The following EXPH5 variants were observed in gnomAD, a reference collection of about 807,000 sequenced individuals.
The protein encoded by EXPH5 is exophilin-5.
A neutral mutation model predicts 41.1 loss-of-function variants in EXPH5; 42 were observed. That is an observed-to-expected ratio of 1.02 (90% CI 0.80 to 1.32). The LOEUF is 1.32. EXPH5 is among the 40% of genes most tolerant of loss of function. EXPH5 has a pLI of 0.00. For missense variants in EXPH5, 2,298 were observed against 2,314.5 expected, an observed-to-expected ratio of 0.99 and a Z score of 0.15; for synonymous variants, 798 against 833.5, an observed-to-expected ratio of 0.96 and a Z score of 0.73.
chr11:108,569,648 T>C (rs949062220), intron 1 of EXPH5, among the ~76,000 whole-genome samples: 5 of 152,250 alleles, frequency 3.3e-5, no homozygotes, highest in African/African-American at 1.2e-4. Flanking sequence ...CTGAATGTAC[T>C]GTTTTTAAAC....
rs376323577 is a variant in EXPH5 at position 108,511,736 on chromosome 11, C to T, written c.3771G>A (p.Pro1257=). ...LEVVSIYYTL[P]RKPSKKFCNL... Reference sequence around the variant, plus strand: ...TACAGAATTTTTTGCTGGGTTTCCTCGGTAGAGTGTAATATATTGAGACCA... The same window carrying T: ...TACAGAATTTTTTGCTGGGTTTCCTTGGTAGAGTGTAATATATTGAGACCA... The change falls in exon 6 of 6, where the codon CCG becomes CCA. Residue 1257 remains proline (P), a synonymous_variant. Transcript: ENST00000265843. 63 of 1,610,118 alleles carry T rather than the reference C, an allele frequency of 3.9e-5. No homozygotes were observed. The highest frequency in any genetic ancestry group is 2.9e-4 in the South Asian group (26 of 89,994).
intron 1 of EXPH5, among the ~76,000 whole-genome samples, chr11:108,547,018 G>T (rs2093941522): frequency 6.6e-6 from 1 of 151,948 alleles, no homozygotes; most frequent in Admixed American, 6.6e-5. Flanking sequence ...GGCCAGGCTA[G>T]TCTTGAACTC....
At position 108,541,694 on chromosome 11, in the gene EXPH5, G is replaced by A; in HGVS notation, c.238C>T (p.Gln80Ter). Residue 80 changes from glutamine (Q) to a stop codon, truncating the protein, a stop_gained, in exon 2 of 6, where the codon CAA becomes TAA. Transcript: ENST00000265843. LOFTEE classifies it high-confidence loss of function. ...TTACTTAGCCTGTATGTAAGTGGTTGTTTTAACATTTGGCTAACATCTGTT... is the reference window on the plus strand; with the variant it reads ...TTACTTAGCCTGTATGTAAGTGGTTATTTTAACATTTGGCTAACATCTGTT... The part of the protein sequence containing the change: ...NETDVSQMLK[Q>*]PLTYRLSKEM... The A allele has an allele frequency of 1.9e-6, 3 of 1,611,376 alleles. 1 individual carries two copies. The highest frequency in any genetic ancestry group is 2.2e-5 in the South Asian group (2 of 90,172).
At chr11:108,544,802 A>G (rs1017877648) in intron 1 of EXPH5, among the ~76,000 whole-genome samples, 1 of 152,250 alleles carries the variant, frequency 6.6e-6, no homozygotes. Flanking sequence ...GATTATAGCT[A>G]TGTAAAAATG....
chr11:108,603,063 C>G, the EXPH5 span, among the ~76,000 whole-genome samples: 2 of 152,160 alleles, frequency 1.3e-5, no homozygotes, highest in African/African-American at 2.4e-5. Flanking sequence ...TTGCACTTCT[C>G]TCTCCTGCCA....
chr11:108,572,811 G>A (rs529154776), intron 1 of EXPH5, among the ~76,000 whole-genome samples: 5 of 152,166 alleles, frequency 3.3e-5, no homozygotes, highest in South Asian at 2.1e-4. Context: ...CACTCGTCTC[G>A]GCCTCCTAAA....
At position 108,539,005 on chromosome 11, in the gene EXPH5, T is replaced by G; in HGVS notation, c.443+19A>C. Reference sequence around the variant, plus strand: ...ATCGGATAACAAATGGGCCGTAACATGACCTGAGTTTAACTCACCCTTTCT... The same window carrying G: ...ATCGGATAACAAATGGGCCGTAACAGGACCTGAGTTTAACTCACCCTTTCT... On this transcript the variant is annotated intron_variant, in intron 3 of 5. Coordinates refer to ENST00000265843, the MANE Select transcript of EXPH5 (RefSeq NM_015065.3). 1.3e-6 allele frequency: 2 copies of G among 1,553,250 alleles called. No individual in the cohort carries two copies. Among genetic ancestry groups the G allele is most frequent in the Non-Finnish European group, 8.7e-7 (1 of 1,146,134 alleles).
In EXPH5 at chr11:108,509,872, A is replaced by G. The variant is rs1379273790; in HGVS notation, c.5635T>C (p.Ser1879Pro). The G allele has an allele frequency of 2.5e-6, 4 of 1,610,536 alleles. No homozygotes were observed. Among genetic ancestry groups the G allele is most frequent in the Non-Finnish European group, 3.4e-6 (4 of 1,179,012 alleles). The change falls in exon 6 of 6, where the codon TCT becomes CCT. Residue 1879 changes from serine (S) to proline (P), a missense_variant. Ser to Pro is a moderately conservative substitution (Grantham distance 74). Transcript: ENST00000265843. ...CCATAGTCGATAGGTCTGTATATAG[A>G]TATTGCAGACCTGGGACCTGTTTTT... ...GTKTGPRSAI[S>P]IYRPIDYGIF...
chr11:108,601,359 T>C, the EXPH5 span, among the ~76,000 whole-genome samples: 5 of 152,310 alleles, frequency 3.3e-5, no homozygotes, highest in East Asian at 9.6e-4. Context: ...TTAATAGTCA[T>C]AGGAGAGAAA....
chr11:108,524,484 G>T (rs948432390), intron 4 of EXPH5, among the ~76,000 whole-genome samples: 6 of 152,146 alleles, frequency 3.9e-5, no homozygotes. Context: ...AGGATGAGAG[G>T]CCATTGCAAA....
upstream of EXPH5, among the ~76,000 whole-genome samples, chr11:108,594,586 CT>C (rs146274762): frequency 5.3e-5 from 8 of 151,338 alleles, no homozygotes; most frequent in East Asian, 1.9e-4. Flanking sequence ...CACATATATA[CT>C]TTTTTTTTAA....
intron 1 of EXPH5, among the ~76,000 whole-genome samples, chr11:108,554,344 C>T (rs1370179809): frequency 1.3e-5 from 2 of 152,180 alleles, no homozygotes; most frequent in African/African-American, 4.8e-5. Flanking sequence ...TGTGAGCCAC[C>T]ATGCCCAGCC....
chr11:108,595,241 A>T (rs1173602854), upstream of EXPH5, among the ~76,000 whole-genome samples: 1 of 152,252 alleles, frequency 6.6e-6, no homozygotes, highest in Non-Finnish European at 1.5e-5. Context: ...CCAGTGGGAG[A>T]GATACACAAA....
intron 4 of EXPH5, among the ~76,000 whole-genome samples, chr11:108,523,555 T>G (rs2093778781): frequency 6.6e-6 from 1 of 152,162 alleles, no homozygotes; most frequent in African/African-American, 2.4e-5. Flanking sequence ...ATGAATTGAT[T>G]TATGATATAC....
chr11:108,511,782 T>A lies in EXPH5; in HGVS notation c.3725A>T (p.Asp1242Val). ...GACCACCTCCAGACATTTTACATTA[T>A]CTTCATCACCAGAAACAGAAAACGT... ...TSTFSVSGDE[D>V]NVKCLEVVSI... is the part of the protein sequence containing the mutation. The change falls in exon 6 of 6, where the codon GAT becomes GTT. Residue 1242 changes from aspartate (D) to valine (V), a missense_variant. By Grantham distance (152) the Asp-to-Val change is radical. Coordinates refer to ENST00000265843, the MANE Select transcript of EXPH5 (RefSeq NM_015065.3). 1 of 1,610,042 alleles carries A rather than the reference T, an allele frequency of 6.2e-7. No individual in the cohort carries two copies. Among genetic ancestry groups the A allele is most frequent in the Non-Finnish European group, 8.5e-7 (1 of 1,179,084 alleles).
the EXPH5 span, among the ~76,000 whole-genome samples, chr11:108,604,946 T>C: frequency 6.6e-6 from 1 of 152,040 alleles, no homozygotes; most frequent in Non-Finnish European, 1.5e-5. Context: ...ATTAGAGAAA[T>C]AGGCTTGGTT....
chr11:108,546,340 G>A (rs958724496), intron 1 of EXPH5, among the ~76,000 whole-genome samples: 12 of 152,222 alleles, frequency 7.9e-5, no homozygotes, highest in African/African-American at 2.6e-4. Context: ...ATTCCAGTGC[G>A]GGGCAGGAGA....
intron 4 of EXPH5, among the ~76,000 whole-genome samples, chr11:108,525,738 T>C (rs1591689192): frequency 6.6e-6 from 1 of 152,110 alleles, no homozygotes. Flanking sequence ...CGCTATGGCA[T>C]CCATGGTCAA....
chr11:108,589,706 A>G (rs2094122873), intron 1 of EXPH5, among the ~76,000 whole-genome samples: 2 of 152,216 alleles, frequency 1.3e-5, no homozygotes, highest in South Asian at 4.1e-4. Context: ...TTCCTTCTAT[A>G]AAAAGCCATT....
Sources: allele counts gnomAD v4.1 joint callset (sites outside exome capture counted in the v4.1 genomes callset), GRCh38; gene constraint gnomAD v4.1.1; transcripts MANE v1.5; gene names NCBI Gene and HGNC (gene_info 2026-07-23, HGNC 2026-07-21).